FIGN: variants seen among roughly 807,000 people sequenced by gnomAD.
FIGN encodes fidgetin.
Under a neutral mutation model 51.3 loss-of-function variants are expected in FIGN, and 11 were observed. That is an observed-to-expected ratio of 0.21 (90% CI 0.13 to 0.35). FIGN has a LOEUF of 0.35. FIGN is among the 10% of genes least tolerant of loss of function. The pLI, the probability that FIGN is intolerant of heterozygous loss-of-function variation, is 1.00. For missense variants in FIGN, 857 were observed against 943.6 expected (o/e 0.91, Z 1.20); for synonymous variants, 407 against 363.2 (o/e 1.12, Z -1.37).
chr2:163,610,467 G>A lies in FIGN; in HGVS notation c.1365C>T (p.His455=), dbSNP rs1691217221. ...PGLRAATSSN[H]SVDEQLKNTD... The stretch of plus-strand genomic sequence containing the variant: ...TATTCTTCAGTTGCTCGTCCACAGA[G>A]TGGTTGGATGAGGTAGCTGCACGGA... The change falls in exon 3 of 3, where the codon CAC becomes CAT. Residue 455 remains histidine (H), a synonymous_variant. Transcript: ENST00000333129. 1.9e-6 allele frequency: 3 copies of A among 1,614,196 alleles called. No homozygotes were observed. Among genetic ancestry groups the A allele is most frequent in the Non-Finnish European group, 2.5e-6 (3 of 1,180,042 alleles).
intron 2 of FIGN, among the ~76,000 whole-genome samples, chr2:163,667,803 A>G (rs1683804545): frequency 6.6e-6 from 1 of 152,120 alleles, no homozygotes; most frequent in African/African-American, 2.4e-5. Context: ...GTAACTGTTT[A>G]TTTGTATGCC....
At chr2:163,612,399 A>T in intron 2 of FIGN, 1 of 985,374 alleles carries the variant, frequency 1.0e-6, no homozygotes, top group South Asian at 4.7e-5. Flanking sequence ...TATGACACAG[A>T]CATAGCAGGT....
rs1301880460 is a variant in FIGN at position 163,603,538 on chromosome 2, C to G, written c.*6014G>C. On this transcript the variant is annotated 3_prime_UTR_variant, in exon 3 of 3. Transcript: ENST00000333129. ...ACAAATAAAACAAAACAAAAACCCT[C>G]TCTTAATCACTACTAGACAGCCTCT... 1 of 152,126 alleles carries G rather than the reference C, an allele frequency of 6.6e-6. No homozygotes were observed. Among genetic ancestry groups the G allele is most frequent in the Non-Finnish European group, 1.5e-5 (1 of 67,994 alleles). The allele number at this position is 152,126 out of a possible 1,614,324, so 9.4% of individuals were successfully genotyped here.
At chr2:163,713,948 C>T (rs578054893) in intron 2 of FIGN, among the ~76,000 whole-genome samples, 34 of 152,300 alleles carry the variant, frequency 2.2e-4, no homozygotes, top group African/African-American at 8.2e-4. Flanking sequence ...TACATACCAT[C>T]ACAAGCTCTG....
intron 2 of FIGN, among the ~76,000 whole-genome samples, chr2:163,689,444 T>C (rs537073996): frequency 5.9e-5 from 9 of 152,300 alleles, no homozygotes; most frequent in South Asian, 4.1e-4. Flanking sequence ...AAATGCTTGA[T>C]TGACTATCAG....
chr2:163,677,987 CT>C (rs1462398246), intron 2 of FIGN, among the ~76,000 whole-genome samples: 1 of 152,144 alleles, frequency 6.6e-6, no homozygotes, highest in Non-Finnish European at 1.5e-5. Flanking sequence ...TTGAGAAAAG[CT>C]GAAAAGATAG....
chr2:163,679,417 A>G lies in FIGN; in HGVS notation c.25+55486T>C, dbSNP rs1365390091. Reference sequence around the variant, plus strand: ...AGGCTGAGGCAGGAGAATGGTGTGAACCTGGGAGGCAGAGCTTGCAGTGAG... The same window carrying G: ...AGGCTGAGGCAGGAGAATGGTGTGAGCCTGGGAGGCAGAGCTTGCAGTGAG... On this transcript the variant is annotated intron_variant, in intron 2 of 2. Transcript: ENST00000333129. Among the ~76,000 whole-genome samples, 4 of 151,804 alleles carry G rather than the reference A, an allele frequency of 2.6e-5. No individual in the cohort carries two copies. The South Asian group carries it at 8.3e-4, about 32-fold the overall frequency.
intron 2 of FIGN, among the ~76,000 whole-genome samples, chr2:163,612,048 A>AT (rs922766020): frequency 3.9e-5 from 6 of 152,152 alleles, no homozygotes; most frequent in Non-Finnish European, 8.8e-5. Flanking sequence ...AGTTACCTAT[A>AT]TTTTTTGCAT....
intron 2 of FIGN, among the ~76,000 whole-genome samples, chr2:163,686,925 T>C (rs1319833559): frequency 6.6e-6 from 1 of 151,986 alleles, no homozygotes; most frequent in Non-Finnish European, 1.5e-5. Flanking sequence ...AAGACGTATG[T>C]ATTTGTAAAG....
At chr2:163,689,730 T>A (rs1285635696) in intron 2 of FIGN, among the ~76,000 whole-genome samples, 1 of 152,106 alleles carries the variant, frequency 6.6e-6, no homozygotes, top group African/African-American at 2.4e-5. Flanking sequence ...AACATAAAAA[T>A]ATAGGATCAA....
intron 2 of FIGN, among the ~76,000 whole-genome samples, chr2:163,655,959 A>G (rs1399341976): frequency 6.6e-6 from 1 of 152,186 alleles, no homozygotes; most frequent in Middle Eastern, 3.2e-3. Context: ...TGCTTCTTCA[A>G]CACCTTTTGT....
At chr2:163,720,191 T>C (rs918020645) in intron 2 of FIGN, among the ~76,000 whole-genome samples, 1 of 152,220 alleles carries the variant, frequency 6.6e-6, no homozygotes, top group Non-Finnish European at 1.5e-5. Flanking sequence ...TTACTGTTTC[T>C]ATTAAAAATG....
Position 163,658,661 on chromosome 2 carries a change from T to A in FIGN, c.26-46855A>T, listed in dbSNP as rs573308467. 9.2e-5 allele frequency among the ~76,000 whole-genome samples: 14 copies of A among 152,036 alleles called. No homozygotes were observed. In the South Asian group the frequency reaches 2.7e-3, roughly 29 times the overall value. On this transcript the variant is annotated intron_variant, in intron 2 of 2. Transcript: ENST00000333129. Reference sequence around the variant, plus strand: ...TGCCTGGCTTTTTTCAACAAGCAGTTCTCATGGGAACTAAGAGTGAGCACT... The same window carrying A: ...TGCCTGGCTTTTTTCAACAAGCAGTACTCATGGGAACTAAGAGTGAGCACT...
At chr2:163,676,286 A>G (rs1683962282) in intron 2 of FIGN, among the ~76,000 whole-genome samples, 3 of 151,528 alleles carry the variant, frequency 2.0e-5, no homozygotes, top group Non-Finnish European at 4.4e-5. Context: ...TGGAAAAACA[A>G]TGTTTTAAAA....
At chr2:163,684,899 C>G (rs1389193017) in intron 2 of FIGN, among the ~76,000 whole-genome samples, 2 of 151,640 alleles carry the variant, frequency 1.3e-5, no homozygotes, top group East Asian at 1.9e-4. Context: ...CTCAGCCTCC[C>G]GAGTAGCTGG....
At chr2:163,639,881 T>TC (rs1283671517) in intron 2 of FIGN, among the ~76,000 whole-genome samples, 1 of 152,210 alleles carries the variant, frequency 6.6e-6, no homozygotes, top group African/African-American at 2.4e-5. Flanking sequence ...ATTTTAAGTT[T>TC]CTGTAAACAT....
intron 2 of FIGN, among the ~76,000 whole-genome samples, chr2:163,690,566 A>G (rs1389966977): frequency 2.0e-5 from 3 of 152,272 alleles, no homozygotes; most frequent in African/African-American, 7.2e-5. Context: ...GGCATTTAGT[A>G]TGATTATTAA....
chr2:163,605,461 A>G lies in FIGN; in HGVS notation c.*4091T>C, dbSNP rs1252361856. On this transcript the variant is annotated 3_prime_UTR_variant, in exon 3 of 3. Transcript: ENST00000333129. ...GCTTTACGTTTCAAAAGAAAAAAAA[A>G]CACATTAAAACACTTCAAATTGTAA... 1 of 152,050 alleles carries G rather than the reference A, an allele frequency of 6.6e-6. No homozygotes were observed. Among genetic ancestry groups the G allele is most frequent in the African/African-American group, 2.4e-5 (1 of 41,408 alleles). 9.4% of individuals were successfully genotyped at this position (152,050 alleles called of 1,614,324 possible).
chr2:163,634,089 C>CGTGTGTGTGTGTGTGT (rs66956230), intron 2 of FIGN, among the ~76,000 whole-genome samples: 1 of 145,404 alleles, frequency 6.9e-6, no homozygotes, highest in Non-Finnish European at 1.5e-5. Context: ...CGTATGTATG[C>CGTGTGTGTGTGTGTGT]GTGTGTGTGT....
Sources: gnomAD v4.1 joint callset for allele counts (sites outside exome capture counted in the v4.1 genomes callset) on GRCh38, gnomAD v4.1.1 for gene constraint, MANE v1.5 for transcripts, NCBI Gene and HGNC (gene_info 2026-07-23, HGNC 2026-07-21) for gene names.